RUBCN: variants seen among roughly 807,000 people sequenced by gnomAD.
The protein encoded by RUBCN is rubicon autophagy regulator.
A neutral mutation model predicts 113.2 loss-of-function variants in RUBCN; 74 were observed. The ratio of observed to expected loss-of-function variants is 0.65; its 90% CI spans 0.54 to 0.79. The LOEUF is 0.79. Ranked by LOEUF, RUBCN falls within the 30% of genes least tolerant of loss-of-function variation. RUBCN has a pLI of 0.00. For synonymous variants in RUBCN, 480 were observed against 490.0 expected, an observed-to-expected ratio of 0.98 and a Z score of 0.27; for missense variants, 1,109 against 1,251.7, an observed-to-expected ratio of 0.89 and a Z score of 1.72.
chr3:197,703,459 G>T, intron 5 of RUBCN, 89 bp downstream of exon 5: 1 of 564,464 alleles, frequency 1.8e-6, no homozygotes, highest in Admixed American at 2.5e-5. Flanking sequence ...CACAAAAATG[G>T]CTAAGTGAAA....
rs1422337098 is a variant in RUBCN at position 197,705,189 on chromosome 3, A to G, written c.220-14T>C. ...GCGGCGGCACGCCTGCAAAGGGAAC[A>G]CATACAATGAGCAAATCACGACCAT... is the stretch of plus-strand genomic sequence containing the variant. On this transcript the variant is annotated splice_polypyrimidine_tract_variant and intron_variant, in intron 2 of 19. Transcript: ENST00000296343. 1 of 1,611,576 alleles carries G rather than the reference A, an allele frequency of 6.2e-7. No homozygotes were observed. Among genetic ancestry groups the G allele is most frequent in the East Asian group, 2.2e-5 (1 of 44,898 alleles).
chr3:197,712,073 AT>A (rs1003791226), intron 2 of RUBCN, among the ~76,000 whole-genome samples: 3 of 151,426 alleles, frequency 2.0e-5, no homozygotes, highest in Non-Finnish European at 4.4e-5. Flanking sequence ...TTCATTATTG[AT>A]TTTTTTTTAA....
At chr3:197,701,302 G>C (rs912658750) in intron 6 of RUBCN, among the ~76,000 whole-genome samples, 156 bp from the exon 7 acceptor site, 1 of 152,150 alleles carries the variant, frequency 6.6e-6, no homozygotes, top group Non-Finnish European at 1.5e-5. Flanking sequence ...TCAAGAGTAT[G>C]GGCTCCTGAG....
At chr3:197,684,697 T>C (rs547153204) in intron 11 of RUBCN, among the ~76,000 whole-genome samples, 1 of 151,416 alleles carries the variant, frequency 6.6e-6, no homozygotes, top group South Asian at 2.1e-4. Context: ...CACATATATA[T>C]ACATATATAC....
intron 7 of RUBCN, 86 bp downstream of exon 7, chr3:197,700,527 G>T: frequency 7.6e-7 from 1 of 1,313,998 alleles, no homozygotes; most frequent in Non-Finnish European, 1.1e-6. Context: ...ATCTCTTTCT[G>T]CCACCTGAAA....
At chr3:197,699,166 G>A (rs894760357) in intron 7 of RUBCN, 5 of 1,527,340 alleles carry the variant, frequency 3.3e-6, no homozygotes, top group Non-Finnish European at 4.4e-6. Context: ...CAAAGAGGAG[G>A]TGGAGGACCG....
At chr3:197,702,024 C>T (rs180889722) in intron 5 of RUBCN, among the ~76,000 whole-genome samples, 160 bp from the exon 6 acceptor site, 3 of 152,332 alleles carry the variant, frequency 2.0e-5, no homozygotes, top group Non-Finnish European at 4.4e-5. Context: ...CCTTCTACTA[C>T]AGTATGTAAT....
chr3:197,740,362 G>C (rs575800072), upstream of RUBCN, among the ~76,000 whole-genome samples: 1 of 151,522 alleles, frequency 6.6e-6, no homozygotes, highest in African/African-American at 2.4e-5. Flanking sequence ...CCAGCTACTC[G>C]GGAGGCTGAG....
intron 4 of RUBCN, among the ~76,000 whole-genome samples, 194 bp from the exon 5 acceptor site, chr3:197,703,848 A>G (rs1468792661): frequency 6.6e-6 from 1 of 152,174 alleles, no homozygotes; most frequent in Non-Finnish European, 1.5e-5. Context: ...CGTCAGAAAA[A>G]TCCAGATTTG....
At chr3:197,685,335 T>C (rs1056074295) in intron 11 of RUBCN, among the ~76,000 whole-genome samples, 1 of 152,176 alleles carries the variant, frequency 6.6e-6, no homozygotes, top group African/African-American at 2.4e-5. Context: ...TCTTTCCTAA[T>C]GAAGCCGACA....
chr3:197,700,452 T>A, intron 7 of RUBCN, 161 bp downstream of exon 7: 1 of 652,964 alleles, frequency 1.5e-6, no homozygotes, highest in South Asian at 1.9e-5. Flanking sequence ...AGATTTTGAG[T>A]CTCAGTATTT....
At chr3:197,726,105 C>T (rs1726715779) in intron 1 of RUBCN, among the ~76,000 whole-genome samples, 1 of 152,216 alleles carries the variant, frequency 6.6e-6, no homozygotes. Flanking sequence ...TTTATTAGAA[C>T]TCCAAAAGCG....
At chr3:197,677,621 AAC>A in intron 16 of RUBCN, 80 bp from the exon 17 acceptor site, 16 of 1,308,220 alleles carry the variant, frequency 1.2e-5, no homozygotes, top group African/African-American at 2.9e-5. Context: ...AGGGCCTTTA[AAC>A]CCTGGGGTTC....
rs1227342783 is a variant in RUBCN, at chr3:197,681,334, A to G, written c.2225T>C (p.Leu742Pro). ...YIKRLRYCEY[L>P]GKYFCQCCHE... ...GCAGCACTGGCAGAAGTACTTGCCC[A>G]GGTACTCACAGTACCGCAGTCGCTT... The change falls in exon 16 of 20, where the codon CTG (leucine) becomes CCG (proline). Residue 742 changes from leucine (L) to proline (P), a missense_variant. Physicochemically the swap from Leu to Pro is moderately conservative, Grantham distance 98 (BLOSUM62 -3). This residue lies in a region of RUBCN where 306 missense variants were observed against 348.9 expected (regional missense o/e 0.88). Transcript: ENST00000296343. This position sits in a 1 kb window ranked among gnomAD's most constrained non-coding sequence, Gnocchi z 5.5. 1 of 1,614,114 alleles carries G rather than the reference A, an allele frequency of 6.2e-7. No individual in the cohort carries two copies. The highest frequency in any genetic ancestry group is 1.1e-5 in the South Asian group (1 of 91,082).
At chr3:197,749,176 G>A (rs750273339) in intron 1 of RUBCN, 4 of 631,276 alleles carry the variant, frequency 6.3e-6, no homozygotes, top group South Asian at 5.9e-5. Flanking sequence ...CTGTTTTCCC[G>A]TAGGGATGAT....
intron 16 of RUBCN, among the ~76,000 whole-genome samples, chr3:197,679,423 C>T (rs1720914567): frequency 6.8e-6 from 1 of 146,500 alleles, no homozygotes; most frequent in Admixed American, 6.7e-5. Flanking sequence ...TACGCTCTAA[C>T]TGACAACTGG....
chr3:197,679,790 A>G (rs1392132371), intron 16 of RUBCN, among the ~76,000 whole-genome samples: 28 of 139,652 alleles, frequency 2.0e-4, no homozygotes, highest in African/African-American at 6.1e-4. Flanking sequence ...AGACTGTCCT[A>G]CGCTCTAACT....
At chr3:197,676,675 C>A (rs1720470010) in intron 18 of RUBCN, 3 of 1,425,608 alleles carry the variant, frequency 2.1e-6, no homozygotes, top group Non-Finnish European at 2.7e-6. Flanking sequence ...ACAGCCAGCA[C>A]CAGCTCCTCC....
Position 197,707,228 on chromosome 3 carries a change from G to A in RUBCN, c.220-2053C>T, listed in dbSNP as rs936896959. On this transcript the variant is annotated intron_variant, in intron 2 of 19. Coordinates refer to ENST00000296343, the MANE Select transcript of RUBCN (RefSeq NM_014687.4). ...GCGCCTGTAGTCCCAGCTACTCGGG[G>A]GGCTGAGGCAGGAGAATGGCATGAA... Among the ~76,000 whole-genome samples, 5 of 151,844 alleles carry A rather than the reference G, an allele frequency of 3.3e-5. No homozygotes were observed. The East Asian group carries it at 9.7e-4, about 29-fold the overall frequency.
Sources: allele counts gnomAD v4.1 joint callset (sites outside exome capture counted in the v4.1 genomes callset), GRCh38; gene constraint gnomAD v4.1.1; regional missense constraint gnomAD v4.1.1; non-coding constraint Gnocchi (gnomAD v3.1); transcripts MANE v1.5; gene names NCBI Gene and HGNC (gene_info 2026-07-23, HGNC 2026-07-21).